The following ZNF26 variants were observed in gnomAD, a reference collection of about 807,000 sequenced individuals.
The protein encoded by ZNF26 is epididymis luminal protein 179.
A neutral mutation model predicts 54.9 loss-of-function variants in ZNF26; 32 were observed. That is an observed-to-expected ratio of 0.58 (90% CI 0.44 to 0.78). The LOEUF (loss-of-function observed/expected upper bound fraction) is 0.78. Among genes scored for constraint, ZNF26 ranks in the 30% least tolerant of loss-of-function variants. The pLI, the probability that ZNF26 is intolerant of heterozygous loss-of-function variation, is 0.00. For missense variants in ZNF26, 524 were observed against 634.0 expected (o/e 0.83, Z 1.86); for synonymous variants, 221 against 209.2 (o/e 1.06, Z -0.49).
chr12:132,986,712 C>A lies in ZNF26; in HGVS notation c.-129C>A. On this transcript the variant is annotated 5_prime_UTR_variant, in exon 1 of 4. Coordinates refer to ENST00000328654, the MANE Select transcript of ZNF26 (RefSeq NM_019591.4). ...GGAGCCGGCGTCCCTGCCAACGACT[C>A]GGCCCCGGGACGGTCAGGAGCCTGG... 1 of 990,946 alleles carries A rather than the reference C, an allele frequency of 1.0e-6. No homozygotes were observed. Among genetic ancestry groups the A allele is most frequent in the Non-Finnish European group, 1.5e-6 (1 of 679,312 alleles). 61.4% of individuals were successfully genotyped at this position (990,946 alleles called of 1,614,324 possible).
chr12:132,998,323 C>T (rs1257817623), intron 1 of ZNF26, among the ~76,000 whole-genome samples: 5 of 151,966 alleles, frequency 3.3e-5, no homozygotes, highest in South Asian at 2.1e-4. Flanking sequence ...TGTTCCAGCA[C>T]GCCTGGCTAA....
At position 133,013,312 on chromosome 12, in the gene ZNF26, G is replaced by A. The variant is rs1387731216; in HGVS notation, c.*1831G>A. 6.6e-6 allele frequency: 1 copy of A among 152,164 alleles called. No individual in the cohort carries two copies. Among genetic ancestry groups the A allele is most frequent in the Non-Finnish European group, 1.5e-5 (1 of 68,044 alleles). The allele number at this position is 152,164 out of a possible 1,614,324, so 9.4% of individuals were successfully genotyped here. On this transcript the variant is annotated 3_prime_UTR_variant, in exon 4 of 4. Transcript: ENST00000328654. ...TTTCTTACAGCTGTAGGAGTGAGGT[G>A]GTGGGAATCAAATAGTATATTTGGC...
chr12:132,986,809 C>G lies in ZNF26; in HGVS notation c.-32C>G. ...CTCTCCGCAGCCCGCGGGTCCTGCC[C>G]CCGCAGGCAGCGCGCGAACGTGGGC... is the stretch of plus-strand genomic sequence containing the variant. On this transcript the variant is annotated 5_prime_UTR_variant, in exon 1 of 4. Transcript: ENST00000328654. 1 of 1,592,584 alleles carries G rather than the reference C, an allele frequency of 6.3e-7. No individual in the cohort carries two copies. Among genetic ancestry groups the G allele is most frequent in the South Asian group, 1.1e-5 (1 of 87,882 alleles).
rs1953645875 is a variant in ZNF26, at chr12:133,021,771, AAG to A, written c.*10292_*10293del. ...GACAGAGTGAAACTGTCTCAGAAAA[AAG>A]AAAGAAAGAAAAACGTTTATTTGTA... On this transcript the variant is annotated 3_prime_UTR_variant, in exon 4 of 4. Coordinates refer to ENST00000328654, the MANE Select transcript of ZNF26 (RefSeq NM_019591.4). The A allele has an allele frequency of 4.1e-5, 1 of 24,374 alleles. No homozygotes were observed. The highest frequency in any genetic ancestry group is 7.1e-5 in the African/African-American group (1 of 14,156). The allele number at this position is 24,374 out of a possible 1,614,324, so 1.5% of individuals were successfully genotyped here.
At chr12:132,989,701 A>C (rs1276261764) in intron 1 of ZNF26, among the ~76,000 whole-genome samples, 2 of 152,168 alleles carry the variant, frequency 1.3e-5, no homozygotes, top group Admixed American at 1.3e-4. Context: ...ATTTTGGAGC[A>C]TTTAGATTTC....
At chr12:132,988,974 C>T (rs1031180172) in intron 1 of ZNF26, among the ~76,000 whole-genome samples, 3 of 144,822 alleles carry the variant, frequency 2.1e-5, no homozygotes, top group South Asian at 4.5e-4. Context: ...TGTATATTAA[C>T]TTTGTATCCT....
chr12:133,011,322 T>A lies in ZNF26; in HGVS notation c.1443T>A (p.Pro481=). ...AGAAAACTCATTCGGGAGAGAAACC[T>A]TTTAAATGCAGTGAATGTGGAAAAG... ...IHQKTHSGEK[P]FKCSECGKAF... Residue 481 remains proline (P), a synonymous_variant, in exon 4 of 4, where the codon CCT becomes CCA. Coordinates refer to ENST00000328654, the MANE Select transcript of ZNF26 (RefSeq NM_019591.4). 6.2e-7 allele frequency: 1 copy of A among 1,613,426 alleles called. No homozygotes were observed. The highest frequency in any genetic ancestry group is 8.5e-7 in the Non-Finnish European group (1 of 1,179,808).
chr12:132,991,321 C>T (rs1952949162), intron 1 of ZNF26, among the ~76,000 whole-genome samples: 1 of 149,216 alleles, frequency 6.7e-6, no homozygotes, highest in Admixed American at 6.7e-5. Context: ...CATGGTGAAA[C>T]CCTGTCACTA....
rs1204193189 is a variant in ZNF26, at chr12:133,024,713, G to C, written c.*13232G>C. Reference sequence around the variant, plus strand: ...AAACAAAAAGGACTTCTAAGGACTTGAGAGAATGCTTCTGTGAGCCCTCTC... The same window carrying C: ...AAACAAAAAGGACTTCTAAGGACTTCAGAGAATGCTTCTGTGAGCCCTCTC... On this transcript the variant is annotated 3_prime_UTR_variant, in exon 4 of 4. Coordinates refer to ENST00000328654, the MANE Select transcript of ZNF26 (RefSeq NM_019591.4). The C allele has an allele frequency of 6.6e-6, 1 of 152,174 alleles. No homozygotes were observed. The highest frequency in any genetic ancestry group is 1.5e-5 in the Non-Finnish European group (1 of 68,030). The allele number at this position is 152,174 out of a possible 1,614,324, so 9.4% of individuals were successfully genotyped here. A position where few individuals can be genotyped will look rare whatever the true frequency, so the allele number is the denominator to read the frequency against.
chr12:133,005,032 T>C (rs1953293910), intron 1 of ZNF26: 1 of 152,176 alleles, frequency 6.6e-6, no homozygotes, highest in African/African-American at 2.4e-5. Context: ...TTTGTTAACT[T>C]ATCTTGTATT....
intron 1 of ZNF26, among the ~76,000 whole-genome samples, chr12:133,003,501 C>T (rs1404149780): frequency 1.3e-5 from 2 of 152,140 alleles, no homozygotes; most frequent in South Asian, 2.1e-4. Flanking sequence ...TGATCCGCCG[C>T]CTCGGCCTCC....
Position 133,001,717 on chromosome 12 carries a change from A to G in ZNF26, c.34-5325A>G. The G allele has an allele frequency of 7.8e-7, 1 of 1,289,050 alleles. No homozygotes were observed. The highest frequency in any genetic ancestry group is 1.0e-6 in the Non-Finnish European group (1 of 988,644). The allele number at this position is 1,289,050 out of a possible 1,614,324, so 79.9% of individuals were successfully genotyped here. ...GGGTGTTCCTTGGGCCCAGGGAAAC[A>G]GTGCCCTGCCTGAGGTGAGCCGCAG... On this transcript the variant is annotated intron_variant, in intron 1 of 3. Coordinates refer to ENST00000328654, the MANE Select transcript of ZNF26 (RefSeq NM_019591.4). This position sits in a 1 kb window ranked among gnomAD's most constrained non-coding sequence, Gnocchi z 4.7.
In ZNF26 at chr12:133,017,346, A is replaced by C. The variant is rs2137274847; in HGVS notation, c.*5865A>C. The stretch of plus-strand genomic sequence containing the variant: ...ACACCTTATGCTTACCCCACCACCT[A>C]GAAGCGGCTGGTGTGACAGAGCATT... On this transcript the variant is annotated 3_prime_UTR_variant, in exon 4 of 4. Transcript: ENST00000328654. The C allele has an allele frequency of 6.6e-6, 1 of 152,336 alleles. No individual in the cohort carries two copies. The highest frequency in any genetic ancestry group is 1.9e-4 in the East Asian group (1 of 5,182). 9.4% of individuals were successfully genotyped at this position (152,336 alleles called of 1,614,324 possible).
At chr12:132,996,949 T>C (rs1028491421) in intron 1 of ZNF26, among the ~76,000 whole-genome samples, 4 of 152,200 alleles carry the variant, frequency 2.6e-5, no homozygotes, top group Non-Finnish European at 5.9e-5. Flanking sequence ...AATAGGGACT[T>C]AAGAACAGAA....
chr12:133,003,257 C>CT (rs796349481), intron 1 of ZNF26, among the ~76,000 whole-genome samples: 5,085 of 135,280 alleles, frequency 0.038, 203 homozygotes, highest in African/African-American at 0.099. Flanking sequence ...GTTCCCTTTT[C>CT]TTTTTTTTTT....
chr12:133,001,553 G>A lies in ZNF26; in HGVS notation c.34-5489G>A. On this transcript the variant is annotated intron_variant, in intron 1 of 3. Coordinates refer to ENST00000328654, the MANE Select transcript of ZNF26 (RefSeq NM_019591.4). This position sits in a 1 kb window ranked among gnomAD's most constrained non-coding sequence, Gnocchi z 4.7. ...TCTGCCCTGCAGTTCCATGGTGTATGTGATTCTTTCTCTCACTGCATGCAG... is the reference window on the plus strand; with the variant it reads ...TCTGCCCTGCAGTTCCATGGTGTATATGATTCTTTCTCTCACTGCATGCAG... 1.3e-6 allele frequency: 1 copy of A among 777,486 alleles called. No homozygotes were observed. Among genetic ancestry groups the A allele is most frequent in the Non-Finnish European group, 1.9e-6 (1 of 531,946 alleles). The allele number at this position is 777,486 out of a possible 1,614,324, so 48.2% of individuals were successfully genotyped here. A position where few individuals can be genotyped will look rare whatever the true frequency, so the allele number is the denominator to read the frequency against.
rs1953215246 is a variant in ZNF26 at position 133,001,349 on chromosome 12, G to A, written c.34-5693G>A. ...TTCTAGCCTGCAGAGGGGAGATGGA[G>A]GAGGCTTGTCTGTATTCCCACTTCA... On this transcript the variant is annotated intron_variant, in intron 1 of 3. Transcript: ENST00000328654. This position sits in a 1 kb window ranked among gnomAD's most constrained non-coding sequence, Gnocchi z 4.7. Among the ~76,000 whole-genome samples the A allele has an allele frequency of 1.3e-5, 2 of 152,200 alleles. No individual in the cohort carries two copies. The highest frequency in any genetic ancestry group is 4.8e-5 in the African/African-American group (2 of 41,460).
At chr12:132,999,080 C>T (rs1440606458) in intron 1 of ZNF26, among the ~76,000 whole-genome samples, 1 of 152,190 alleles carries the variant, frequency 6.6e-6, no homozygotes, top group East Asian at 1.9e-4. Flanking sequence ...AATCAAGCAG[C>T]TCTTTGTCAG....
intron 1 of ZNF26, among the ~76,000 whole-genome samples, chr12:132,992,064 C>T (rs777908361): frequency 1.2e-3 from 178 of 151,828 alleles, no homozygotes; most frequent in Non-Finnish European, 1.6e-3. Flanking sequence ...ATGAGAATCG[C>T]TTGAACCCAG....
Sources: allele counts gnomAD v4.1 joint callset (sites outside exome capture counted in the v4.1 genomes callset), GRCh38; gene constraint gnomAD v4.1.1; non-coding constraint Gnocchi (gnomAD v3.1); transcripts MANE v1.5; gene names NCBI Gene and HGNC (gene_info 2026-07-23, HGNC 2026-07-21).